Variants in ULK4 observed in about 807,000 individuals in gnomAD.
ULK4 encodes the protein inactive serine/threonine-protein kinase ULK4.
In ULK4, 133 loss-of-function variants were observed where a neutral mutation model predicts 160.6. The ratio of observed to expected loss-of-function variants is 0.83; its 90% confidence interval spans 0.72 to 0.96. The LOEUF is 0.96. Among genes scored for constraint, ULK4 ranks in the 40% least tolerant of loss-of-function variants. The pLI is 0.00. For synonymous variants in ULK4, 534 were observed against 539.8 expected (o/e 0.99, Z 0.15); for missense variants, 1,580 against 1,499.5 (o/e 1.05, Z -0.89).
chr3:41,605,751 C>G (rs1169376733), intron 31 of ULK4, among the ~76,000 whole-genome samples: 1 of 151,942 alleles, frequency 6.6e-6, no homozygotes, highest in East Asian at 1.9e-4. Context: ...ACAATGACAA[C>G]CTATTTATCT....
intron 30 of ULK4, among the ~76,000 whole-genome samples, chr3:41,642,945 T>C (rs374940209): frequency 1.3e-5 from 2 of 152,240 alleles, no homozygotes; most frequent in Non-Finnish European, 2.9e-5. Context: ...TGGCCAGTGA[T>C]GATGAGCATT....
intron 17 of ULK4, among the ~76,000 whole-genome samples, chr3:41,867,362 T>C (rs1453754721): frequency 6.6e-6 from 1 of 151,938 alleles, no homozygotes; most frequent in Non-Finnish European, 1.5e-5. Flanking sequence ...ACTTTGGAGG[T>C]GGGGTCTGAC....
intron 31 of ULK4, among the ~76,000 whole-genome samples, chr3:41,579,961 C>T (rs1337463709): frequency 6.6e-6 from 1 of 152,178 alleles, no homozygotes; most frequent in Non-Finnish European, 1.5e-5. Flanking sequence ...CACTCTAACT[C>T]CAGGCACTTC....
At chr3:41,435,543 T>C (rs779934707) in intron 34 of ULK4, among the ~76,000 whole-genome samples, 26 of 152,354 alleles carry the variant, frequency 1.7e-4, no homozygotes, top group Non-Finnish European at 3.5e-4. Flanking sequence ...AATAAGGTTC[T>C]ATCTGAGAAT....
At chr3:41,681,912 A>ATC in intron 27 of ULK4, 108 bp from the exon 28 acceptor site, 1 of 1,133,420 alleles carries the variant, frequency 8.8e-7, no homozygotes, top group South Asian at 1.4e-5. Context: ...AGGAGTGAAA[A>ATC]AAAGCAACGG....
Position 41,646,102 on chromosome 3 carries a change from G to A in ULK4, c.3071+17505C>T, listed in dbSNP as rs538076161. Reference sequence around the variant, plus strand: ...TATGTGTGTCTCTGCACATGAGATGGGTCTCCTGAATACAGCACACTGATG... The same window carrying A: ...TATGTGTGTCTCTGCACATGAGATGAGTCTCCTGAATACAGCACACTGATG... On this transcript the variant is annotated intron_variant, in intron 30 of 36. Transcript: ENST00000301831. 2.9e-3 allele frequency among the ~76,000 whole-genome samples: 447 copies of A among 152,136 alleles called. 3 individuals carry two copies. The highest frequency in any genetic ancestry group is 0.01 in the African/African-American group (431 of 41,508).
chr3:41,940,506 T>A (rs895503184), intron 2 of ULK4, among the ~76,000 whole-genome samples: 8 of 151,654 alleles, frequency 5.3e-5, no homozygotes, highest in African/African-American at 1.2e-4. Context: ...AAAAAAAAAA[T>A]TTTTAATTAG....
rs537636471 is a variant in ULK4 at position 41,588,573 on chromosome 3, C to G, written c.3121-22443G>C. Among the ~76,000 whole-genome samples the G allele has an allele frequency of 2.0e-5, 3 of 152,308 alleles. No individual in the cohort carries two copies. In the East Asian group the frequency reaches 5.8e-4, roughly 29 times the overall value. On this transcript the variant is annotated intron_variant, in intron 31 of 36. Coordinates refer to ENST00000301831, the MANE Select transcript of ULK4 (RefSeq NM_017886.4). ...CTGTCTGCTAGCCATTCTAGCCTGG[C>G]TGTACATCACACAACCTCTGCATCT...
In ULK4 at chr3:41,912,798, G is replaced by GTA; in HGVS notation, c.896+7_896+8dup. ...CTATGTCCCATACACAAAGGTAAGT[G>GTA]TATACTACCTGAGACTGAGATCTTC... is the stretch of plus-strand genomic sequence containing the variant. On this transcript the variant is annotated intron_variant, in intron 9 of 36. Transcript: ENST00000301831. 1 of 1,613,258 alleles carries GTA rather than the reference G, an allele frequency of 6.2e-7. No homozygotes were observed. Among genetic ancestry groups the GTA allele is most frequent in the Non-Finnish European group, 8.5e-7 (1 of 1,179,256 alleles).
At chr3:41,387,815 A>G (rs1370822898) in intron 35 of ULK4, among the ~76,000 whole-genome samples, 3 of 152,190 alleles carry the variant, frequency 2.0e-5, no homozygotes, top group Non-Finnish European at 4.4e-5. Flanking sequence ...GCTATTGTGA[A>G]TAGTGCCTCA....
At chr3:41,818,915 T>C (rs1232470181) in intron 19 of ULK4, among the ~76,000 whole-genome samples, 2 of 152,228 alleles carry the variant, frequency 1.3e-5, no homozygotes, top group Admixed American at 6.5e-5. Flanking sequence ...CTTTCAGCCA[T>C]TAACAATTGC....
intron 31 of ULK4, among the ~76,000 whole-genome samples, chr3:41,607,711 T>C (rs1175305833): frequency 6.6e-6 from 1 of 152,180 alleles, no homozygotes; most frequent in African/African-American, 2.4e-5. Context: ...CATCCATCAG[T>C]GGAGACTGGC....
intron 30 of ULK4, among the ~76,000 whole-genome samples, chr3:41,660,641 T>G (rs1015893531): frequency 6.6e-6 from 1 of 152,236 alleles, no homozygotes; most frequent in Non-Finnish European, 1.5e-5. Context: ...TGCTAGGACC[T>G]CCCTTTGAAG....
intron 21 of ULK4, among the ~76,000 whole-genome samples, chr3:41,756,962 A>T (rs1345427488): frequency 6.6e-6 from 1 of 152,238 alleles, no homozygotes; most frequent in Non-Finnish European, 1.5e-5. Flanking sequence ...ATGTTCGTAA[A>T]TAATTAGAAA....
intron 35 of ULK4, among the ~76,000 whole-genome samples, chr3:41,285,604 G>A (rs2125698358): frequency 6.6e-6 from 1 of 152,244 alleles, no homozygotes; most frequent in Non-Finnish European, 1.5e-5. Flanking sequence ...GGGTGAGAGG[G>A]AGGCGAGTGA....
chr3:41,823,848 C>T (rs1041264760), intron 18 of ULK4, among the ~76,000 whole-genome samples: 1 of 152,086 alleles, frequency 6.6e-6, no homozygotes, highest in Non-Finnish European at 1.5e-5. Context: ...ATTCAAATAG[C>T]CTAGCTTGTA....
At chr3:41,300,660 C>T (rs773359361) in intron 35 of ULK4, among the ~76,000 whole-genome samples, 4 of 151,508 alleles carry the variant, frequency 2.6e-5, no homozygotes, top group Non-Finnish European at 5.9e-5. Context: ...CCTTCTACAG[C>T]ACCCCCAGAT....
At chr3:41,604,177 A>G (rs2032255315) in intron 31 of ULK4, among the ~76,000 whole-genome samples, 1 of 152,154 alleles carries the variant, frequency 6.6e-6, no homozygotes, top group Non-Finnish European at 1.5e-5. Flanking sequence ...GCCTCTGCAT[A>G]GCCTATTTAG....
intron 2 of ULK4, among the ~76,000 whole-genome samples, chr3:41,948,486 A>G (rs1045338695): frequency 2.0e-5 from 3 of 152,074 alleles, no homozygotes; most frequent in African/African-American, 4.8e-5. Context: ...AGTGTCAGGC[A>G]CTATGCTAAA....
Sources: allele counts gnomAD v4.1 joint callset (sites outside exome capture counted in the v4.1 genomes callset), GRCh38; gene constraint gnomAD v4.1.1; transcripts MANE v1.5; gene names NCBI Gene and HGNC (gene_info 2026-07-23, HGNC 2026-07-21).